The following NBEAL1 variants were observed in gnomAD, a reference collection of about 807,000 sequenced individuals.
NBEAL1 encodes the protein neurobeachin like 1, also known as neurobeachin-like protein 1.
NBEAL1 carries 273 observed loss-of-function variants against 351.3 expected under a neutral mutation model. That is an observed-to-expected ratio of 0.78 (90% CI 0.70 to 0.86). The LOEUF (loss-of-function observed/expected upper bound fraction) is 0.86, where lower values mean the gene tolerates loss of function less well. NBEAL1 is among the 40% of genes least tolerant of loss of function. The pLI is 0.00. For synonymous variants in NBEAL1, 1,050 were observed against 1,086.4 expected (o/e 0.97, Z 0.66); for missense variants, 2,961 against 3,201.3 (o/e 0.92, Z 1.81).
intron 43 of NBEAL1, chr2:203,181,365 T>C (rs1409932736): frequency 6.6e-6 from 1 of 152,178 alleles, no homozygotes; most frequent in Non-Finnish European, 1.5e-5. Context: ...AAAAATTTGG[T>C]AACTCCTGAT....
chr2:203,190,790 A>G lies in NBEAL1; in HGVS notation c.6921+401A>G. 5 of 1,610,904 alleles carry G rather than the reference A, an allele frequency of 3.1e-6. No homozygotes were observed. The South Asian group carries it at 3.3e-5, about 11-fold the overall frequency. ...CCAGCCGCCTCCACCATGCCGCCGA[A>G]GTTCGACCCCAACGAGATCAAAGTC... On this transcript the variant is annotated intron_variant, in intron 46 of 55. Coordinates refer to ENST00000683969, the MANE Select transcript of NBEAL1 (RefSeq NM_001378026.1).
At chr2:203,068,222 C>T (rs1281985273) in intron 6 of NBEAL1, among the ~76,000 whole-genome samples, 171 bp from the exon 7 acceptor site, 3 of 152,088 alleles carry the variant, frequency 2.0e-5, no homozygotes, top group African/African-American at 7.2e-5. Flanking sequence ...AATTGATGAA[C>T]AGTTCAGTTA....
intron 42 of NBEAL1, among the ~76,000 whole-genome samples, chr2:203,176,050 C>T (rs2064488593): frequency 6.6e-6 from 1 of 152,130 alleles, no homozygotes; most frequent in Non-Finnish European, 1.5e-5. Context: ...TTTACATGTC[C>T]CATGTAACCT....
chr2:203,094,985 G>T (rs532537387), intron 10 of NBEAL1, among the ~76,000 whole-genome samples: 1 of 151,922 alleles, frequency 6.6e-6, no homozygotes, highest in Non-Finnish European at 1.5e-5. Flanking sequence ...TTAGCCAGGC[G>T]TGGTGGCGCA....
rs140121297 is a variant in NBEAL1 at position 203,175,734 on chromosome 2, T to C, written c.6464+447T>C. On this transcript the variant is annotated intron_variant, in intron 42 of 55. Coordinates refer to ENST00000683969, the MANE Select transcript of NBEAL1 (RefSeq NM_001378026.1). The stretch of plus-strand genomic sequence containing the variant: ...GTATTTACACTGTGGGTATTATAAC[T>C]TACCTATGTTGTACATTTTCCTAAT... Among the ~76,000 whole-genome samples, 891 of 152,316 alleles carry C rather than the reference T, an allele frequency of 5.8e-3. 4 individuals are homozygous for C. Among genetic ancestry groups the C allele is most frequent in the Non-Finnish European group, 9.7e-3 (657 of 68,018 alleles).
Position 203,218,076 on chromosome 2 carries a change from A to G in NBEAL1, c.*722A>G, listed in dbSNP as rs2065916628. 2.4e-6 allele frequency: 1 copy of G among 417,834 alleles called. No homozygotes were observed. The highest frequency in any genetic ancestry group is 3.2e-6 in the Non-Finnish European group (1 of 311,468). 25.9% of individuals were successfully genotyped at this position (417,834 alleles called of 1,614,324 possible). On this transcript the variant is annotated 3_prime_UTR_variant, in exon 56 of 56. Transcript: ENST00000683969. ...GTGATTTTGACAGTTGGGCCTTTTA[A>G]GTAGCATTTGCAGCACAATTTGCAT...
At chr2:203,141,899 TTAAG>T (rs2063391758) in intron 31 of NBEAL1, among the ~76,000 whole-genome samples, 1 of 152,198 alleles carries the variant, frequency 6.6e-6, no homozygotes, top group Non-Finnish European at 1.5e-5. Context: ...TTGCCAGTAT[TTAAG>T]TATTAAAAAT....
intron 44 of NBEAL1, among the ~76,000 whole-genome samples, chr2:203,184,096 A>T (rs71425984): frequency 8.2e-6 from 1 of 121,992 alleles, no homozygotes. Context: ...AAAAAAAAAA[A>T]AAAGAAACAA....
At chr2:203,023,295 GC>G (rs2060798045) in intron 2 of NBEAL1, among the ~76,000 whole-genome samples, 1 of 152,112 alleles carries the variant, frequency 6.6e-6, no homozygotes, top group Non-Finnish European at 1.5e-5. Context: ...CTTAATAACA[GC>G]TTTGTATGTA....
At chr2:203,040,017 A>G in intron 2 of NBEAL1, 1 of 582,552 alleles carries the variant, frequency 1.7e-6, no homozygotes. Context: ...TGGTTTTAAG[A>G]AGGAGTAAAA....
rs148182115 is a variant in NBEAL1 at position 203,161,781 on chromosome 2, T to A, written c.5714+3956T>A. On this transcript the variant is annotated intron_variant, in intron 36 of 55. Coordinates refer to ENST00000683969, the MANE Select transcript of NBEAL1 (RefSeq NM_001378026.1). ...CCAGGAGTTGAAAGCTGCAGTAAGC[T>A]ATGATCACCCCACTGCAGTGAAGCC... 2.6e-3 allele frequency among the ~76,000 whole-genome samples: 391 copies of A among 152,166 alleles called. 12 individuals carry two copies. Among genetic ancestry groups the A allele is most frequent in the Admixed American group, 0.019 (288 of 15,262 alleles).
At chr2:203,183,772 T>G (rs954743814) in intron 44 of NBEAL1, among the ~76,000 whole-genome samples, 2 of 152,082 alleles carry the variant, frequency 1.3e-5, no homozygotes, top group East Asian at 3.9e-4. Context: ...TTCACTAAGC[T>G]TCTAAAAGAA....
intron 54 of NBEAL1, among the ~76,000 whole-genome samples, chr2:203,212,423 A>G (rs774603356): frequency 2.6e-5 from 4 of 151,822 alleles, no homozygotes; most frequent in Non-Finnish European, 5.9e-5. Flanking sequence ...CCTGGCCAAC[A>G]TAGTGAAACC....
At chr2:203,127,014 ACCAGCG>A in intron 23 of NBEAL1, 88 bp downstream of exon 23, 1 of 900,804 alleles carries the variant, frequency 1.1e-6, no homozygotes, top group Middle Eastern at 3.4e-4. Flanking sequence ...CTTTCTCTTT[ACCAGCG>A]ATTCTAGTAT....
At chr2:203,200,215 T>G (rs1575120806) in intron 49 of NBEAL1, among the ~76,000 whole-genome samples, 1 of 152,120 alleles carries the variant, frequency 6.6e-6, no homozygotes, top group East Asian at 1.9e-4. Flanking sequence ...CCGTCTCTAC[T>G]AAAAATACAA....
intron 2 of NBEAL1, among the ~76,000 whole-genome samples, chr2:203,035,880 A>G (rs2061032922): frequency 6.7e-6 from 1 of 149,294 alleles, no homozygotes; most frequent in Non-Finnish European, 1.5e-5. Flanking sequence ...AATAATTTTT[A>G]TTGATACTTA....
intron 44 of NBEAL1, among the ~76,000 whole-genome samples, chr2:203,187,844 A>G (rs986216200): frequency 3.3e-5 from 5 of 152,224 alleles, no homozygotes; most frequent in African/African-American, 7.2e-5. Flanking sequence ...TTTAAAATGT[A>G]CTGTTTGGAA....
rs538567737 is a variant in NBEAL1, at chr2:203,054,509, G to A, written c.306-1918G>A. ...AGTCTCGAATTCCTGGATTCATGCA[G>A]TCCTCCTGCCTCTGCCTCTCAAAGT... On this transcript the variant is annotated intron_variant, in intron 4 of 55. Coordinates refer to ENST00000683969, the MANE Select transcript of NBEAL1 (RefSeq NM_001378026.1). Among the ~76,000 whole-genome samples, 12 of 151,914 alleles carry A rather than the reference G, an allele frequency of 7.9e-5. No individual in the cohort carries two copies. The South Asian group carries it at 1.9e-3, about 24-fold the overall frequency.
At chr2:203,061,194 T>G (rs2061493387) in intron 6 of NBEAL1, 1 of 152,218 alleles carries the variant, frequency 6.6e-6, no homozygotes, top group Admixed American at 6.5e-5. Flanking sequence ...TTTTATGTCC[T>G]TGAAAGAAAC....
Sources: gnomAD v4.1 joint callset for allele counts (sites outside exome capture counted in the v4.1 genomes callset) on GRCh38, gnomAD v4.1.1 for gene constraint, MANE v1.5 for transcripts, NCBI Gene and HGNC (gene_info 2026-07-23, HGNC 2026-07-21) for gene names.